The following KCNH7 variants were observed in gnomAD, a reference collection of about 807,000 sequenced individuals.
KCNH7 encodes the protein potassium voltage-gated channel subfamily H member 7, also known as voltage-gated inwardly rectifying potassium channel KCNH7.
In KCNH7, 49 loss-of-function variants were observed where a neutral mutation model predicts 120.8. That is an observed-to-expected ratio of 0.41 (90% confidence interval 0.32 to 0.51). The LOEUF is 0.51. Among genes scored for constraint, KCNH7 ranks in the 20% least tolerant of loss-of-function variants. KCNH7 has a pLI of 0.38. For missense variants in KCNH7, 1,097 were observed against 1,446.6 expected (o/e 0.76, Z 3.92); for synonymous variants, 547 against 516.1 (o/e 1.06, Z -0.81).
At chr2:162,705,373 A>C (rs1387321145) in intron 2 of KCNH7, among the ~76,000 whole-genome samples, 1 of 152,138 alleles carries the variant, frequency 6.6e-6, no homozygotes, top group East Asian at 1.9e-4. Context: ...GTGTAATGGC[A>C]ATTTTATTAT....
intron 2 of KCNH7, among the ~76,000 whole-genome samples, chr2:162,758,533 A>G (rs930016072): frequency 1.1e-4 from 17 of 152,130 alleles, no homozygotes; most frequent in Admixed American, 3.9e-4. Context: ...AAACGTATAT[A>G]TATGTATATA....
At chr2:162,494,783 T>C (rs1343013712) in intron 6 of KCNH7, among the ~76,000 whole-genome samples, 1 of 152,120 alleles carries the variant, frequency 6.6e-6, no homozygotes, top group Non-Finnish European at 1.5e-5. Flanking sequence ...CTGATATCTT[T>C]GGAGATTGTG....
At chr2:162,380,779 C>T (rs1686390181) in intron 13 of KCNH7, among the ~76,000 whole-genome samples, 1 of 152,016 alleles carries the variant, frequency 6.6e-6, no homozygotes. Flanking sequence ...CTATTATGGA[C>T]CAGACACCTT....
At position 162,537,118 on chromosome 2, in the gene KCNH7, C is replaced by T. The variant is rs367664929; in HGVS notation, c.308-38G>A. The T allele has an allele frequency of 6.4e-4, 975 of 1,522,852 alleles. 1 individual carries two copies. The highest frequency in any genetic ancestry group is 8.4e-4 in the Non-Finnish European group (932 of 1,109,426). 94.3% of individuals were successfully genotyped at this position (1,522,852 alleles called of 1,614,324 possible). ...AAAATGAATGTTAGTTAAAAATATG[C>T]CTTCATTCTGAACTATCAAGTAACA... On this transcript the variant is annotated intron_variant, in intron 2 of 15. Transcript: ENST00000332142.
chr2:162,676,606 T>C (rs1685537214), intron 2 of KCNH7, among the ~76,000 whole-genome samples: 1 of 151,472 alleles, frequency 6.6e-6, no homozygotes, highest in South Asian at 2.1e-4. Flanking sequence ...TCTATTTCAA[T>C]GTCTAGGAGA....
intron 6 of KCNH7, among the ~76,000 whole-genome samples, chr2:162,459,268 A>T (rs1689072709): frequency 6.6e-6 from 1 of 152,132 alleles, no homozygotes; most frequent in African/African-American, 2.4e-5. Flanking sequence ...TAATGTATAT[A>T]GTAAGCATCT....
chr2:162,788,681 TA>T (rs1348667194), intron 2 of KCNH7, among the ~76,000 whole-genome samples: 1 of 150,638 alleles, frequency 6.6e-6, no homozygotes, highest in African/African-American at 2.4e-5. Context: ...AGAAACAAAC[TA>T]AAAAAAAGAA....
At chr2:162,772,250 A>G (rs1683082988) in intron 2 of KCNH7, among the ~76,000 whole-genome samples, 1 of 152,214 alleles carries the variant, frequency 6.6e-6, no homozygotes. Context: ...AGGGAGAGAG[A>G]AAGAGATAAA....
At chr2:162,541,729 C>A in intron 2 of KCNH7, among the ~76,000 whole-genome samples, 1 of 151,882 alleles carries the variant, frequency 6.6e-6, no homozygotes, top group Non-Finnish European at 1.5e-5. Context: ...GGCAGAATAG[C>A]TAATGAATGC....
At chr2:162,524,583 T>C (rs567886470) in intron 3 of KCNH7, among the ~76,000 whole-genome samples, 1 of 152,106 alleles carries the variant, frequency 6.6e-6, no homozygotes, top group South Asian at 2.1e-4. Flanking sequence ...TGTGAATTGG[T>C]ATCTGTGTAT....
intron 2 of KCNH7, among the ~76,000 whole-genome samples, chr2:162,662,932 T>C (rs1298048021): frequency 6.6e-6 from 1 of 152,238 alleles, no homozygotes; most frequent in Admixed American, 6.5e-5. Flanking sequence ...TCAAAAGACT[T>C]GGGTTCTTCT....
intron 2 of KCNH7, chr2:162,538,146 A>AC (rs1360936201): frequency 1.3e-5 from 2 of 152,156 alleles, no homozygotes; most frequent in Non-Finnish European, 2.9e-5. Flanking sequence ...CCTGTGGGCT[A>AC]CATGTGGCCC....
rs538572498 is a variant in KCNH7, at chr2:162,728,719, G to A, written c.307+107818C>T. Among the ~76,000 whole-genome samples the A allele has an allele frequency of 3.0e-4, 45 of 152,166 alleles. No homozygotes were observed. In the South Asian group the frequency reaches 9.3e-3, roughly 32 times the overall value. On this transcript the variant is annotated intron_variant, in intron 2 of 15. Transcript: ENST00000332142. ...CTTGAACCCAGGAGGCAGAGGTTGT[G>A]GTGAGCCAAGATTGCGCCATTGTAC...
chr2:162,559,612 C>T (rs1041572287), intron 2 of KCNH7, among the ~76,000 whole-genome samples: 4 of 152,156 alleles, frequency 2.6e-5, no homozygotes, highest in African/African-American at 9.7e-5. Context: ...CTAATTGGTT[C>T]TTTTGATCAT....
intron 10 of KCNH7, 51 bp from the exon 11 acceptor site, chr2:162,396,996 G>A (rs774308469): frequency 1.0e-5 from 13 of 1,248,950 alleles, no homozygotes; most frequent in Non-Finnish European, 1.4e-5. Context: ...CAAACTCAAT[G>A]TTCTCCTTCT....
chr2:162,752,944 A>AAAGCAAAGCAAAGCAAAGCAAAGCAAAGC (rs1688629660), intron 2 of KCNH7, among the ~76,000 whole-genome samples: 1 of 102,578 alleles, frequency 9.7e-6, no homozygotes, highest in African/African-American at 5.9e-5. Context: ...AAAAGAAAAG[A>AAAGCAAAGCAAAGCAAAGCAAAGCAAAGC]AAAGAAAAGA....
chr2:162,378,025 G>T (rs1411964254), intron 14 of KCNH7, among the ~76,000 whole-genome samples: 1 of 152,128 alleles, frequency 6.6e-6, no homozygotes, highest in East Asian at 1.9e-4. Context: ...GAGCAACCAG[G>T]TGATGCTAAA....
intron 2 of KCNH7, among the ~76,000 whole-genome samples, chr2:162,829,284 TATA>T (rs1685391474): frequency 6.6e-6 from 1 of 152,174 alleles, no homozygotes; most frequent in Admixed American, 6.5e-5. Context: ...ACTTGGCAAT[TATA>T]ATAATTAATG....
chr2:162,399,729 C>T (rs1687015402), intron 10 of KCNH7, among the ~76,000 whole-genome samples: 4 of 151,906 alleles, frequency 2.6e-5, no homozygotes, highest in South Asian at 2.1e-4. Flanking sequence ...TTTAATCCGA[C>T]GCGGCAGGTA....
Sources: allele counts gnomAD v4.1 joint callset (sites outside exome capture counted in the v4.1 genomes callset), GRCh38; gene constraint gnomAD v4.1.1; transcripts MANE v1.5; gene names NCBI Gene and HGNC (gene_info 2026-07-23, HGNC 2026-07-21).